Variants in GALNT11 observed in about 807,000 individuals in gnomAD.
The protein encoded by GALNT11 is polypeptide N-acetylgalactosaminyltransferase 11.
A neutral mutation model predicts 72.7 loss-of-function variants in GALNT11; 47 were observed. The ratio of observed to expected loss-of-function variants is 0.65; its 90% CI spans 0.51 to 0.82. The LOEUF (loss-of-function observed/expected upper bound fraction) is 0.82, where lower values mean the gene tolerates loss of function less well. Ranked by LOEUF, GALNT11 falls within the 40% of genes least tolerant of loss-of-function variation. The probability of loss-of-function intolerance (pLI) is 0.00; values close to 1 mark genes in which losing one functional copy is unlikely to be tolerated. For synonymous variants in GALNT11, 270 were observed against 286.6 expected (o/e 0.94, Z 0.58); for missense variants, 677 against 778.4 (o/e 0.87, Z 1.55).
At chr7:152,091,530 G>A (rs369779133) in intron 1 of GALNT11, among the ~76,000 whole-genome samples, 9 of 151,962 alleles carry the variant, frequency 5.9e-5, no homozygotes, top group East Asian at 1.9e-4. Context: ...GTGAGCCACC[G>A]CGCCCGGCCC....
intron 2 of GALNT11, among the ~76,000 whole-genome samples, chr7:152,097,392 A>G (rs974810668): frequency 5.3e-5 from 8 of 152,204 alleles, no homozygotes; most frequent in African/African-American, 1.9e-4. Flanking sequence ...GAGCCCTCAC[A>G]TGTTGCTGGT....
At chr7:152,089,583 G>A (rs1258388913) in intron 1 of GALNT11, among the ~76,000 whole-genome samples, 1 of 152,182 alleles carries the variant, frequency 6.6e-6, no homozygotes, top group Non-Finnish European at 1.5e-5. Flanking sequence ...ATAGGTAAAA[G>A]TAATGGAAAG....
At chr7:152,073,143 T>C (rs2084758609) in intron 1 of GALNT11, among the ~76,000 whole-genome samples, 1 of 152,226 alleles carries the variant, frequency 6.6e-6, no homozygotes, top group African/African-American at 2.4e-5. Context: ...TTATCATTTC[T>C]TTGTGTTGGG....
At chr7:152,089,278 T>A (rs1405621809) in intron 1 of GALNT11, among the ~76,000 whole-genome samples, 1 of 152,080 alleles carries the variant, frequency 6.6e-6, no homozygotes, top group Non-Finnish European at 1.5e-5. Context: ...CTGAAAGATA[T>A]CTCAAAAAAA....
chr7:152,058,124 C>T (rs916629825), intron 1 of GALNT11, among the ~76,000 whole-genome samples: 3 of 151,812 alleles, frequency 2.0e-5, no homozygotes, highest in African/African-American at 4.8e-5. Flanking sequence ...TACACTATAC[C>T]GTAGTCTTTT....
intron 1 of GALNT11, among the ~76,000 whole-genome samples, chr7:152,069,836 T>A (rs1256515181): frequency 2.0e-5 from 3 of 152,186 alleles, no homozygotes; most frequent in Non-Finnish European, 2.9e-5. Flanking sequence ...TATAGTTAGG[T>A]CTTTTTAAAA....
chr7:152,029,899 A>T (rs959334812), intron 1 of GALNT11, among the ~76,000 whole-genome samples: 1 of 152,270 alleles, frequency 6.6e-6, no homozygotes, highest in Non-Finnish European at 1.5e-5. Flanking sequence ...TAGGAAGGCT[A>T]TGGGTTGTCA....
At chr7:152,059,681 GA>G (rs2083894104) in intron 1 of GALNT11, among the ~76,000 whole-genome samples, 1 of 152,160 alleles carries the variant, frequency 6.6e-6, no homozygotes, top group East Asian at 1.9e-4. Flanking sequence ...GTGATATTTT[GA>G]AAGCAATCTT....
intron 1 of GALNT11, among the ~76,000 whole-genome samples, chr7:152,078,289 T>C (rs2085104381): frequency 6.6e-6 from 1 of 152,096 alleles, no homozygotes; most frequent in African/African-American, 2.4e-5. Flanking sequence ...AGTATCGGCT[T>C]ACCCCAAATC....
chr7:152,038,383 TA>T (rs1463298750), intron 1 of GALNT11, among the ~76,000 whole-genome samples: 2 of 152,242 alleles, frequency 1.3e-5, no homozygotes, highest in Non-Finnish European at 2.9e-5. Flanking sequence ...ACCTGCAGCA[TA>T]AGTATGTCCT....
chr7:152,081,624 A>G (rs1308399034), intron 1 of GALNT11, among the ~76,000 whole-genome samples: 1 of 152,194 alleles, frequency 6.6e-6, no homozygotes, highest in African/African-American at 2.4e-5. Context: ...CCTGGATTGC[A>G]TAGTAGTGTA....
At chr7:152,072,344 T>C (rs796250729) in intron 1 of GALNT11, among the ~76,000 whole-genome samples, 3 of 150,656 alleles carry the variant, frequency 2.0e-5, no homozygotes, top group Admixed American at 6.6e-5. Flanking sequence ...AAAAAAGAAA[T>C]TCTAATGTGT....
At chr7:152,033,180 G>A (rs866891755) in intron 1 of GALNT11, among the ~76,000 whole-genome samples, 2 of 152,310 alleles carry the variant, frequency 1.3e-5, no homozygotes. Context: ...GGGGCAGTGC[G>A]CCTTCCAGTG....
rs144916844 is a variant in GALNT11 at position 152,071,575 on chromosome 7, C to T, written c.-38-22615C>T. 1.1e-3 allele frequency among the ~76,000 whole-genome samples: 172 copies of T among 152,140 alleles called. 2 individuals carry two copies. Among genetic ancestry groups the T allele is most frequent in the African/African-American group, 4.0e-3 (167 of 41,496 alleles). On this transcript the variant is annotated intron_variant, in intron 1 of 11. Coordinates refer to ENST00000430044, the MANE Select transcript of GALNT11 (RefSeq NM_022087.4). ...AATGCAATTATCATAGGTCCTGGGG[C>T]AACATACATCTTCCTCAGCTGACAG...
At chr7:152,113,180 A>G in intron 7 of GALNT11, 66 bp from the exon 8 acceptor site, 1 of 1,494,320 alleles carries the variant, frequency 6.7e-7, no homozygotes, top group Non-Finnish European at 9.0e-7. Context: ...ATTTCATTGA[A>G]AATTCATACA....
At chr7:152,027,134 A>C (rs1019551780) in intron 1 of GALNT11, among the ~76,000 whole-genome samples, 1 of 152,114 alleles carries the variant, frequency 6.6e-6, no homozygotes, top group Non-Finnish European at 1.5e-5. Flanking sequence ...CTGTAATCCC[A>C]GCTACTTGGG....
rs1207098407 is a variant in GALNT11 at position 152,055,567 on chromosome 7, G to GTGTA, written c.-39+29684_-39+29685insGTAT. ...TGTGTGTGTGTGTGTGTGTGTGTGT[G>GTGTA]TATATATACATATATATATATACAC... is the stretch of plus-strand genomic sequence containing the variant. On this transcript the variant is annotated intron_variant, in intron 1 of 11. Coordinates refer to ENST00000430044, the MANE Select transcript of GALNT11 (RefSeq NM_022087.4). Among the ~76,000 whole-genome samples, 6 of 120,418 alleles carry GTGTA rather than the reference G, an allele frequency of 5.0e-5. No individual in the cohort carries two copies. In the South Asian group the frequency reaches 7.6e-4, roughly 15 times the overall value. The allele number at this position is 120,418 out of a possible 152,430, so 79.0% of individuals were successfully genotyped here.
intron 1 of GALNT11, among the ~76,000 whole-genome samples, chr7:152,063,667 G>C (rs901077377): frequency 4.6e-5 from 7 of 152,070 alleles, no homozygotes; most frequent in African/African-American, 1.4e-4. Flanking sequence ...TTGTGTCTTT[G>C]TTCTCATTGG....
intron 1 of GALNT11, among the ~76,000 whole-genome samples, chr7:152,087,866 G>A (rs537263689): frequency 3.3e-5 from 5 of 152,214 alleles, no homozygotes; most frequent in Non-Finnish European, 7.3e-5. Flanking sequence ...GATGGACAAT[G>A]TCATTAACTT....
Sources: gnomAD v4.1 joint callset for allele counts (sites outside exome capture counted in the v4.1 genomes callset) on GRCh38, gnomAD v4.1.1 for gene constraint, MANE v1.5 for transcripts, NCBI Gene and HGNC (gene_info 2026-07-23, HGNC 2026-07-21) for gene names.